CNBD1: variants seen among roughly 807,000 people sequenced by gnomAD.
The protein encoded by CNBD1 is cyclic nucleotide-binding domain-containing protein 1.
A neutral mutation model predicts 54.4 loss-of-function variants in CNBD1; 71 were observed. The ratio of observed to expected loss-of-function variants is 1.30; its 90% CI spans 1.08 to 1.59. The LOEUF (loss-of-function observed/expected upper bound fraction) is 1.59, where lower values mean the gene tolerates loss of function less well. Ranked by LOEUF, CNBD1 falls within the 40% of genes most tolerant of loss-of-function variation. The pLI is 0.00. For missense variants in CNBD1, 659 were observed against 518.0 expected, an observed-to-expected ratio of 1.27 and a Z score of -2.64; for synonymous variants, 182 against 170.7, an observed-to-expected ratio of 1.07 and a Z score of -0.51.
Position 86,946,206 on chromosome 8 carries a change from T to C in CNBD1, c.431+6452T>C, listed in dbSNP as rs193235990. Among the ~76,000 whole-genome samples, 347 of 152,336 alleles carry C rather than the reference T, an allele frequency of 2.3e-3. 2 individuals carry two copies. Among genetic ancestry groups the C allele is most frequent in the African/African-American group, 8.1e-3 (335 of 41,586 alleles). ...AGGGGTTCCTTGTGTCTCTGAATAATAATGTGTTTCATTTTTAATATATTC... is the reference window on the plus strand; with the variant it reads ...AGGGGTTCCTTGTGTCTCTGAATAACAATGTGTTTCATTTTTAATATATTC... On this transcript the variant is annotated intron_variant, in intron 4 of 10. Transcript: ENST00000518476.
chr8:87,116,002 A>G (rs113546921), intron 4 of CNBD1, among the ~76,000 whole-genome samples: 86 of 152,086 alleles, frequency 5.7e-4, no homozygotes, highest in African/African-American at 2.1e-3. Flanking sequence ...GAGTGAATCC[A>G]CTATCTCTTC....
At chr8:86,947,246 A>G (rs1807490811) in intron 4 of CNBD1, among the ~76,000 whole-genome samples, 1 of 152,132 alleles carries the variant, frequency 6.6e-6, no homozygotes, top group African/African-American at 2.4e-5. Flanking sequence ...AGTTGGTTTA[A>G]TATTCAAAGG....
intron 4 of CNBD1, among the ~76,000 whole-genome samples, chr8:86,941,547 A>G (rs1445387705): frequency 6.6e-6 from 1 of 152,176 alleles, no homozygotes; most frequent in African/African-American, 2.4e-5. Flanking sequence ...GTGAGATAGC[A>G]GTTTCCAGAT....
intron 8 of CNBD1, among the ~76,000 whole-genome samples, chr8:87,350,605 C>T (rs1167536128): frequency 4.0e-5 from 6 of 151,680 alleles, no homozygotes; most frequent in Admixed American, 2.0e-4. Flanking sequence ...TTGATATATG[C>T]TCTTTTATGC....
At chr8:87,427,100 G>A (rs889809577) in intron 2 of CNBD1, among the ~76,000 whole-genome samples, 5 of 152,084 alleles carry the variant, frequency 3.3e-5, no homozygotes, top group African/African-American at 1.2e-4. Context: ...AGCATGACAA[G>A]GACCTCGCAG....
At chr8:87,190,281 C>T (rs1813573771) in intron 4 of CNBD1, among the ~76,000 whole-genome samples, 1 of 152,146 alleles carries the variant, frequency 6.6e-6, no homozygotes, top group Non-Finnish European at 1.5e-5. Flanking sequence ...TTGAGGAACT[C>T]ACATGGCTGG....
At chr8:87,404,807 C>A (rs1563589152) in intron 2 of CNBD1, among the ~76,000 whole-genome samples, 1 of 144,958 alleles carries the variant, frequency 6.9e-6, no homozygotes, top group Admixed American at 7.1e-5. Flanking sequence ...AGTCAGTCAT[C>A]CTTTTTATTT....
intron 10 of CNBD1, among the ~76,000 whole-genome samples, chr8:87,370,091 T>A (rs1586054250): frequency 6.6e-6 from 1 of 151,940 alleles, no homozygotes; most frequent in African/African-American, 2.4e-5. Context: ...TATTCCATGG[T>A]GTATATGTGC....
At chr8:86,961,701 T>C (rs1311539055) in intron 4 of CNBD1, among the ~76,000 whole-genome samples, 1 of 152,230 alleles carries the variant, frequency 6.6e-6, no homozygotes, top group Admixed American at 6.5e-5. Context: ...CCAGAGGCAA[T>C]GGCCTACCAC....
intron 2 of CNBD1, among the ~76,000 whole-genome samples, chr8:87,412,559 G>C (rs1488527849): frequency 6.6e-6 from 1 of 152,008 alleles, no homozygotes; most frequent in East Asian, 1.9e-4. Context: ...ATTTCACCAA[G>C]AAAAATCACC....
chr8:87,153,579 C>T (rs539686067), intron 4 of CNBD1, among the ~76,000 whole-genome samples: 43 of 152,050 alleles, frequency 2.8e-4, no homozygotes, highest in Non-Finnish European at 5.3e-4. Context: ...TGTAATGGGA[C>T]GTTGATTTAA....
chr8:86,949,494 T>C (rs1425865771), intron 4 of CNBD1, among the ~76,000 whole-genome samples: 1 of 152,174 alleles, frequency 6.6e-6, no homozygotes, highest in Non-Finnish European at 1.5e-5. Flanking sequence ...TATTTAATTG[T>C]ATTCGTGGCT....
chr8:87,091,377 G>A (rs1222085480), intron 4 of CNBD1, among the ~76,000 whole-genome samples: 1 of 152,052 alleles, frequency 6.6e-6, no homozygotes, highest in Non-Finnish European at 1.5e-5. Context: ...CTGCACACAT[G>A]TAGCATTGCT....
intron 3 of CNBD1, among the ~76,000 whole-genome samples, chr8:86,913,361 A>T (rs891025611): frequency 2.0e-5 from 3 of 151,508 alleles, no homozygotes; most frequent in Non-Finnish European, 4.4e-5. Context: ...GTGTTTAGAT[A>T]TGCTTAGATA....
chr8:87,138,245 A>G (rs1190574739), intron 4 of CNBD1, among the ~76,000 whole-genome samples: 3 of 152,278 alleles, frequency 2.0e-5, no homozygotes, highest in East Asian at 1.9e-4. Flanking sequence ...ATTACACTGA[A>G]TATAGTGAAG....
chr8:87,357,871 A>G (rs1253373934), intron 10 of CNBD1, among the ~76,000 whole-genome samples: 1 of 152,088 alleles, frequency 6.6e-6, no homozygotes, highest in Non-Finnish European at 1.5e-5. Context: ...GGGACTGGTG[A>G]GGGGTGTTTG....
intron 4 of CNBD1, among the ~76,000 whole-genome samples, chr8:86,971,280 A>T (rs1808213362): frequency 6.6e-6 from 1 of 152,126 alleles, no homozygotes; most frequent in Non-Finnish European, 1.5e-5. Context: ...GGACTGCCAA[A>T]CATTTTTATA....
chr8:87,285,162 A>C (rs1413406946), intron 7 of CNBD1, among the ~76,000 whole-genome samples: 1 of 152,158 alleles, frequency 6.6e-6, no homozygotes, highest in African/African-American at 2.4e-5. Flanking sequence ...ATACTAGAAT[A>C]ATAAGACAGA....
intron 4 of CNBD1, among the ~76,000 whole-genome samples, chr8:86,991,314 C>G (rs1249745924): frequency 2.0e-5 from 3 of 152,008 alleles, no homozygotes; most frequent in Non-Finnish European, 4.4e-5. Context: ...AGCTGTGTGT[C>G]TGTCATATAT....
Sources: gnomAD v4.1 joint callset for allele counts (sites outside exome capture counted in the v4.1 genomes callset) on GRCh38, gnomAD v4.1.1 for gene constraint, MANE v1.5 for transcripts, NCBI Gene and HGNC (gene_info 2026-07-23, HGNC 2026-07-21) for gene names.